Variants in PARD6B observed in about 807,000 individuals in gnomAD.
PARD6B encodes the protein partitioning defective 6 homolog beta.
In PARD6B, 4 loss-of-function variants were observed where a neutral mutation model predicts 10.5. That is an observed-to-expected ratio of 0.38 (90% CI 0.19 to 0.87). PARD6B has a LOEUF of 0.87. PARD6B is among the 40% of genes least tolerant of loss of function. The pLI is 0.41. For synonymous variants in PARD6B, 169 were observed against 170.4 expected, an observed-to-expected ratio of 0.99 and a Z score of 0.07; for missense variants, 396 against 470.6, an observed-to-expected ratio of 0.84 and a Z score of 1.47.
rs2087618903 is a variant in PARD6B at position 50,752,481 on chromosome 20, A to T, written c.*1993A>T. ...TTATTACTTTCCAATGCATCCACTTAGAACAAGCTAAGAGTAAGGCTGCTA... is the reference window on the plus strand; with the variant it reads ...TTATTACTTTCCAATGCATCCACTTTGAACAAGCTAAGAGTAAGGCTGCTA... On this transcript the variant is annotated 3_prime_UTR_variant, in exon 3 of 3. Transcript: ENST00000371610. The T allele has an allele frequency of 2.0e-6, 2 of 985,648 alleles. No individual in the cohort carries two copies. Among genetic ancestry groups the T allele is most frequent in the African/African-American group, 3.5e-5 (2 of 57,368 alleles). 61.1% of individuals were successfully genotyped at this position (985,648 alleles called of 1,614,324 possible). A position where few individuals can be genotyped will look rare whatever the true frequency, so the allele number is the denominator to read the frequency against.
Sources: gnomAD v4.1 joint callset for allele counts on GRCh38, gnomAD v4.1.1 for gene constraint, MANE v1.5 for transcripts, NCBI Gene and HGNC (gene_info 2026-07-23, HGNC 2026-07-21) for gene names.